KANK1: variants seen among roughly 807,000 people sequenced by gnomAD.
KANK1 encodes KN motif and ankyrin repeat domains 1, also known as KN motif and ankyrin repeat domain-containing protein 1.
A neutral mutation model predicts 106.2 loss-of-function variants in KANK1; 109 were observed. The ratio of observed to expected loss-of-function variants is 1.03; its 90% CI spans 0.88 to 1.20. The LOEUF (loss-of-function observed/expected upper bound fraction) is 1.20. Ranked by LOEUF, KANK1 falls within the 50% of genes most tolerant of loss-of-function variation. KANK1 has a pLI of 0.00. For synonymous variants in KANK1, 873 were observed against 652.2 expected, an observed-to-expected ratio of 1.34 and a Z score of -5.16; for missense variants, 2,399 against 1,710.7, an observed-to-expected ratio of 1.40 and a Z score of -7.10.
At chr9:694,828 A>G (rs1005318919) in intron 2 of KANK1, among the ~76,000 whole-genome samples, 1 of 152,156 alleles carries the variant, frequency 6.6e-6, no homozygotes, top group Non-Finnish European at 1.5e-5. Context: ...GCCAGTTAGG[A>G]TGCAGCTGGA....
At chr9:589,926 T>G (rs1421062344) in intron 1 of KANK1, among the ~76,000 whole-genome samples, 1 of 152,196 alleles carries the variant, frequency 6.6e-6, no homozygotes, top group African/African-American at 2.4e-5. Flanking sequence ...CGACAGATTC[T>G]GTGAACCCCT....
At chr9:499,825 G>A (rs1250724887), upstream of KANK1, among the ~76,000 whole-genome samples, 1 of 152,154 alleles carries the variant, frequency 6.6e-6, no homozygotes, top group Non-Finnish European at 1.5e-5. Context: ...AGGAAATGAA[G>A]ACCCAAAGAT....
chr9:704,624 C>G (rs1174607181), intron 2 of KANK1, among the ~76,000 whole-genome samples: 1 of 152,130 alleles, frequency 6.6e-6, no homozygotes, highest in Non-Finnish European at 1.5e-5. Context: ...AGTGAACTTT[C>G]TCATTTTATT....
intron 7 of KANK1, among the ~76,000 whole-genome samples, chr9:736,766 C>T (rs1025401590): frequency 6.6e-6 from 1 of 152,144 alleles, no homozygotes; most frequent in African/African-American, 2.4e-5. Context: ...GATTTGTATT[C>T]ATGAAAATAC....
chr9:727,759 A>G (rs1032055253), intron 3 of KANK1, among the ~76,000 whole-genome samples: 1 of 151,862 alleles, frequency 6.6e-6, no homozygotes, highest in African/African-American at 2.4e-5. Flanking sequence ...ATCACACAAT[A>G]CATGGAATTT....
intron 1 of KANK1, among the ~76,000 whole-genome samples, chr9:569,032 G>A (rs938968971): frequency 2.0e-5 from 3 of 152,114 alleles, no homozygotes; most frequent in African/African-American, 7.2e-5. Flanking sequence ...CACCTGTAGA[G>A]GTTCAGCTGG....
intron 1 of KANK1, among the ~76,000 whole-genome samples, chr9:598,376 T>C (rs1219320684): frequency 6.6e-6 from 1 of 151,644 alleles, no homozygotes; most frequent in Admixed American, 6.6e-5. Context: ...TTTAAGGATC[T>C]GTTTTTTCAT....
chr9:660,987 A>G (rs1843168791), intron 1 of KANK1, among the ~76,000 whole-genome samples: 1 of 152,120 alleles, frequency 6.6e-6, no homozygotes. Flanking sequence ...AAATCTCAAA[A>G]CTGATGTACC....
chr9:664,752 G>C (rs6477090), intron 1 of KANK1, among the ~76,000 whole-genome samples: 135,689 of 152,178 alleles, frequency 0.89, 60,621 homozygotes, highest in East Asian at 0.97. Context: ...AACCTCTGAA[G>C]TGTTTTCTAT....
intron 1 of KANK1, among the ~76,000 whole-genome samples, chr9:607,785 G>T (rs75192804): frequency 0.013 from 2,025 of 151,766 alleles, 103 homozygotes; most frequent in African/African-American, 0.046. Flanking sequence ...ATAATATGGT[G>T]TGGTAACGAT....
At position 601,990 on chromosome 9, in the gene KANK1, T is replaced by C. The variant is rs546004876; in HGVS notation, c.-83-74900T>C. Among the ~76,000 whole-genome samples, 13 of 152,044 alleles carry C rather than the reference T, an allele frequency of 8.6e-5. No homozygotes were observed. The East Asian group carries it at 2.5e-3, about 29-fold the overall frequency. On this transcript the variant is annotated intron_variant, in intron 1 of 11. Coordinates refer to ENST00000382297, the MANE Select transcript of KANK1 (RefSeq NM_015158.5). ...GAGCTCTTTCCTGTGAACATGGTTGTACCAGGTCTGAAACTCGTTTTTAAC... is the reference window on the plus strand; with the variant it reads ...GAGCTCTTTCCTGTGAACATGGTTGCACCAGGTCTGAAACTCGTTTTTAAC...
At chr9:617,167 G>C (rs1177443199) in intron 1 of KANK1, among the ~76,000 whole-genome samples, 1 of 151,924 alleles carries the variant, frequency 6.6e-6, no homozygotes, top group East Asian at 1.9e-4. Flanking sequence ...ATAATAAAGA[G>C]TTTATGGTAT....
At chr9:734,682 A>G in intron 6 of KANK1, 66 bp from the exon 7 acceptor site, 6 of 1,151,218 alleles carry the variant, frequency 5.2e-6, no homozygotes, top group African/African-American at 1.5e-5. Context: ...AAAATTAGAT[A>G]TTTGGGTTGA....
intron 1 of KANK1, among the ~76,000 whole-genome samples, chr9:545,724 CTTT>C (rs61622402): frequency 2.6e-4 from 27 of 102,676 alleles, no homozygotes; most frequent in African/African-American, 9.5e-4. Context: ...TGTACAGAGC[CTTT>C]TTTTTTTTTT....
At chr9:616,148 G>C (rs7856340) in intron 1 of KANK1, among the ~76,000 whole-genome samples, 2 of 152,104 alleles carry the variant, frequency 1.3e-5, no homozygotes, top group Admixed American at 6.5e-5. Context: ...CAATCAACAA[G>C]ATGAAATTTT....
chr9:744,703 G>A (rs771647650), intron 11 of KANK1, 114 bp downstream of exon 11: 2 of 1,586,886 alleles, frequency 1.3e-6, no homozygotes, highest in Admixed American at 1.8e-5. Context: ...GAAAATGGAA[G>A]TTTTAGTCTG....
At chr9:647,874 CAT>C (rs1840033752) in intron 1 of KANK1, among the ~76,000 whole-genome samples, 1 of 150,568 alleles carries the variant, frequency 6.6e-6, no homozygotes, top group Non-Finnish European at 1.5e-5. Context: ...TGTTGAAGTC[CAT>C]GGAAATCAGG....
At chr9:628,632 C>T (rs549332645) in intron 1 of KANK1, among the ~76,000 whole-genome samples, 1 of 152,272 alleles carries the variant, frequency 6.6e-6, no homozygotes, top group African/African-American at 2.4e-5. Context: ...TAACTACTGA[C>T]TTAGGATTCA....
chr9:612,669 A>G (rs1267949526), intron 1 of KANK1, among the ~76,000 whole-genome samples: 3 of 152,226 alleles, frequency 2.0e-5, no homozygotes, highest in Non-Finnish European at 4.4e-5. Flanking sequence ...GAGAAATTAA[A>G]AAAGCAGTCC....
Sources: gnomAD v4.1 joint callset for allele counts (sites outside exome capture counted in the v4.1 genomes callset) on GRCh38, gnomAD v4.1.1 for gene constraint, MANE v1.5 for transcripts, NCBI Gene and HGNC (gene_info 2026-07-23, HGNC 2026-07-21) for gene names.